PIK3R1: variants seen among roughly 807,000 people sequenced by gnomAD.
PIK3R1 encodes phosphoinositide-3-kinase regulatory subunit 1, also known as phosphatidylinositol 3-kinase regulatory subunit alpha.
PIK3R1 carries 29 observed loss-of-function variants against 98.0 expected under a neutral mutation model. The ratio of observed to expected loss-of-function variants is 0.30; its 90% CI spans 0.22 to 0.40. The LOEUF (loss-of-function observed/expected upper bound fraction) is 0.40, where lower values mean the gene tolerates loss of function less well. PIK3R1 is among the 10% of genes least tolerant of loss of function. PIK3R1 has a pLI of 1.00. For missense variants in PIK3R1, 596 were observed against 872.7 expected, an observed-to-expected ratio of 0.68 and a Z score of 3.99; for synonymous variants, 282 against 311.8, an observed-to-expected ratio of 0.90 and a Z score of 1.01.
rs776773636 is a variant in PIK3R1 at position 68,297,593 on chromosome 5, A to G, written c.2167A>G (p.Arg723Gly). The stretch of plus-strand genomic sequence containing the variant: ...AGCCTACCCAGTATATGCACAGCAG[A>G]GGCGATGAAGCGCTTACTCTTTGAT... ...TLAYPVYAQQ[R>G]R Residue 723 changes from arginine to glycine, a missense_variant, in exon 16 of 16, where the codon AGG (arginine) becomes GGG (glycine). This residue lies in a region of PIK3R1 where 207 missense variants were observed against 361.4 expected (regional missense o/e 0.57). Transcript: ENST00000521381. 6.2e-7 allele frequency: 1 copy of G among 1,613,554 alleles called. No homozygotes were observed. The highest frequency in any genetic ancestry group is 1.1e-5 in the South Asian group (1 of 90,978).
At chr5:68,269,582 G>T (rs965805696) in intron 2 of PIK3R1, among the ~76,000 whole-genome samples, 2 of 152,052 alleles carry the variant, frequency 1.3e-5, no homozygotes, top group African/African-American at 4.8e-5. Flanking sequence ...CCTAGCAATT[G>T]TCATTTCCTG....
intron 4 of PIK3R1, among the ~76,000 whole-genome samples, chr5:68,275,183 C>G (rs1055290729): frequency 6.6e-6 from 1 of 152,190 alleles, no homozygotes; most frequent in African/African-American, 2.4e-5. Flanking sequence ...ACATGGAAAT[C>G]AGTTGCATGC....
chr5:68,280,361 T>C, intron 5 of PIK3R1, 167 bp from the exon 6 acceptor site: 1 of 624,442 alleles, frequency 1.6e-6, no homozygotes, highest in Non-Finnish European at 2.8e-6. Context: ...TTTCTCATAA[T>C]GCGTTTTCTA....
intron 7 of PIK3R1, among the ~76,000 whole-genome samples, chr5:68,284,713 A>T (rs1299293390): frequency 1.3e-5 from 2 of 152,332 alleles, no homozygotes; most frequent in East Asian, 3.9e-4. Context: ...GTAGGGGTAA[A>T]GGCTTTTTCT....
At chr5:68,282,338 GGT>G (rs1373001178) in intron 7 of PIK3R1, among the ~76,000 whole-genome samples, 1 of 152,092 alleles carries the variant, frequency 6.6e-6, no homozygotes, top group African/African-American at 2.4e-5. Context: ...TTGGGGTAGG[GGT>G]GTGGCACATG....
intron 1 of PIK3R1, among the ~76,000 whole-genome samples, chr5:68,220,340 AT>A (rs1744050888): frequency 6.6e-6 from 1 of 152,206 alleles, no homozygotes; most frequent in African/African-American, 2.4e-5. Flanking sequence ...CAGTCCTCTC[AT>A]TCCTGCCCCC....
In PIK3R1 at chr5:68,215,889, AGCGGGCAGGAGGCCACCGCTGCAGC is replaced by A. The variant is rs1743838772; in HGVS notation, c.-440_-416del. 6.6e-6 allele frequency: 1 copy of A among 150,932 alleles called. No homozygotes were observed. The highest frequency in any genetic ancestry group is 6.6e-5 in the Admixed American group (1 of 15,126). The allele number at this position is 150,932 out of a possible 1,614,324, so 9.3% of individuals were successfully genotyped here. ...CCGGGCTGGAGGCCGGTCGGAACCG[AGCGGGCAGGAGGCCACCGCTGCAGC>A]GCGGGCCCCGCAGAGGAAGGAAGCC... On this transcript the variant is annotated 5_prime_UTR_variant, in exon 1 of 16. Coordinates refer to ENST00000521381, the MANE Select transcript of PIK3R1 (RefSeq NM_181523.3).
intron 5 of PIK3R1, 84 bp from the exon 6 acceptor site, chr5:68,280,444 C>A (rs2112193244): frequency 1.1e-6 from 1 of 927,958 alleles, no homozygotes; most frequent in Non-Finnish European, 1.7e-6. Context: ...GAAGAAAGAG[C>A]AGAACTTTTC....
intron 7 of PIK3R1, chr5:68,290,691 T>G (rs759033693): frequency 6.3e-7 from 1 of 1,589,568 alleles, no homozygotes; most frequent in East Asian, 2.2e-5. Flanking sequence ...CGGACTCTTT[T>G]CTTATAACTG....
rs62652523 is a variant in PIK3R1, at chr5:68,262,811, A to G, written c.335-10579A>G. 8.0e-5 allele frequency among the ~76,000 whole-genome samples: 6 copies of G among 74,858 alleles called. 1 individual carries two copies. Among genetic ancestry groups the G allele is most frequent in the Non-Finnish European group, 1.1e-4 (4 of 35,168 alleles). 49.1% of individuals were successfully genotyped at this position (74,858 alleles called of 152,430 possible). A position where few individuals can be genotyped will look rare whatever the true frequency, so the allele number is the denominator to read the frequency against. ...TACATGTATACGTAGATACATGTAT[A>G]CATGTAGATACATGTAGATACATGT... On this transcript the variant is annotated intron_variant, in intron 2 of 15. Coordinates refer to ENST00000521381, the MANE Select transcript of PIK3R1 (RefSeq NM_181523.3).
intron 14 of PIK3R1, chr5:68,295,881 A>AAACGAGATTGTTTTAATACCTTCC: frequency 2.1e-6 from 1 of 472,088 alleles, no homozygotes; most frequent in East Asian, 3.6e-5. Flanking sequence ...TAAACTGGAT[A>AAACGAGATTGTTTTAATACCTTCC]AACGAGATTG....
chr5:68,249,263 T>C (rs1055569022), intron 2 of PIK3R1, among the ~76,000 whole-genome samples: 5 of 152,384 alleles, frequency 3.3e-5, no homozygotes, highest in Admixed American at 2.6e-4. Flanking sequence ...GTTTTGTTCC[T>C]GGAACCACCA....
At chr5:68,253,724 T>C (rs1221112840) in intron 2 of PIK3R1, among the ~76,000 whole-genome samples, 1 of 152,220 alleles carries the variant, frequency 6.6e-6, no homozygotes. Flanking sequence ...AAGTATCTAC[T>C]ATGAGCTTGG....
intron 2 of PIK3R1, among the ~76,000 whole-genome samples, chr5:68,253,984 T>C (rs943613476): frequency 1.4e-3 from 34 of 24,838 alleles, no homozygotes; most frequent in African/African-American, 5.9e-3. Flanking sequence ...GTGGACCCCC[T>C]TTTTTTTTTT....
rs917756518 is a variant in PIK3R1 at position 68,300,030 on chromosome 5, A to G, written c.*2429A>G. On this transcript the variant is annotated 3_prime_UTR_variant, in exon 16 of 16. Transcript: ENST00000521381. ...TGGGTATTTTTTTGGTAGCACATGT[A>G]TGCTATTACATACAAATTTTTATTT... The G allele has an allele frequency of 8.6e-6, 2 of 233,226 alleles. No individual in the cohort carries two copies. Among genetic ancestry groups the G allele is most frequent in the Non-Finnish European group, 1.7e-5 (2 of 118,012 alleles). The allele number at this position is 233,226 out of a possible 1,614,324, so 14.4% of individuals were successfully genotyped here. A position where few individuals can be genotyped will look rare whatever the true frequency, so the allele number is the denominator to read the frequency against.
intron 5 of PIK3R1, 22 bp downstream of exon 5, chr5:68,279,755 A>C: frequency 1.2e-6 from 2 of 1,611,084 alleles, no homozygotes; most frequent in Non-Finnish European, 1.7e-6. Flanking sequence ...CTCTTCTGGG[A>C]ACCTCATTGA....
chr5:68,284,449 A>T (rs1025070603), intron 7 of PIK3R1, among the ~76,000 whole-genome samples: 1 of 152,208 alleles, frequency 6.6e-6, no homozygotes, highest in South Asian at 2.1e-4. Context: ...GGCTTGGTGA[A>T]TGGAGCAGCC....
intron 2 of PIK3R1, among the ~76,000 whole-genome samples, chr5:68,252,440 T>C (rs1745352795): frequency 6.6e-6 from 1 of 151,404 alleles, no homozygotes; most frequent in Admixed American, 6.6e-5. Context: ...TTTAAAAGTG[T>C]GGTGAAGCCA....
At chr5:68,218,368 C>T (rs1238285832) in intron 1 of PIK3R1, among the ~76,000 whole-genome samples, 1 of 151,950 alleles carries the variant, frequency 6.6e-6, no homozygotes, top group Non-Finnish European at 1.5e-5. Context: ...TTTTCCATGA[C>T]TGTCATATAA....
Sources: gnomAD v4.1 joint callset for allele counts (sites outside exome capture counted in the v4.1 genomes callset) on GRCh38, gnomAD v4.1.1 for gene constraint, gnomAD v4.1.1 regional missense constraint, MANE v1.5 for transcripts, NCBI Gene and HGNC (gene_info 2026-07-23, HGNC 2026-07-21) for gene names.